Variants in AFAP1 observed in about 807,000 individuals in gnomAD.
AFAP1 encodes the protein actin filament-associated protein 1.
Under a neutral mutation model 93.9 loss-of-function variants are expected in AFAP1, and 75 were observed. The ratio of observed to expected loss-of-function variants is 0.80; its 90% CI spans 0.66 to 0.97. The LOEUF is 0.97. AFAP1 is among the 50% of genes least tolerant of loss of function. The pLI is 0.00. For synonymous variants in AFAP1, 517 were observed against 430.7 expected (o/e 1.20, Z -2.48); for missense variants, 1,201 against 1,050.8 (o/e 1.14, Z -1.98).
At chr4:7,928,450 C>A (rs1165551066) in intron 1 of AFAP1, among the ~76,000 whole-genome samples, 1 of 152,148 alleles carries the variant, frequency 6.6e-6, no homozygotes, top group African/African-American at 2.4e-5. Flanking sequence ...TGCAGTGACG[C>A]CATCTCGGCT....
At chr4:7,882,693 T>C (rs982993047) in intron 1 of AFAP1, among the ~76,000 whole-genome samples, 6 of 152,094 alleles carry the variant, frequency 3.9e-5, no homozygotes, top group East Asian at 3.9e-4. Flanking sequence ...ACCCTGTCTC[T>C]ACTAAAAATA....
chr4:7,935,444 GC>G (rs904667722), intron 1 of AFAP1, among the ~76,000 whole-genome samples: 3 of 152,138 alleles, frequency 2.0e-5, no homozygotes, highest in Non-Finnish European at 4.4e-5. Flanking sequence ...TTTTGAGGTA[GC>G]CTGAAATAAT....
At position 7,868,699 on chromosome 4, in the gene AFAP1, C is replaced by T; in HGVS notation, c.148G>A (p.Ala50Thr). 3 of 1,613,470 alleles carry T rather than the reference C, an allele frequency of 1.9e-6. No individual in the cohort carries two copies. The highest frequency in any genetic ancestry group is 2.5e-6 in the Non-Finnish European group (3 of 1,179,934). The stretch of plus-strand genomic sequence containing the variant: ...CTGTTAGCGGTCTCCTGCTTCTGAG[C>T]ATGGTCCTTCACATCAAAACCTGTA... Reference protein sequence around the residue: ...SSKGFDVKDHAQKQETANSLP... With the variant: ...SSKGFDVKDHTQKQETANSLP... The change falls in exon 3 of 18, where the codon GCT (alanine) becomes ACT (threonine). Residue 50 changes from alanine (A) to threonine (T), a missense_variant. Ala to Thr is a moderately conservative substitution (Grantham distance 58). Coordinates refer to ENST00000420658, the MANE Select transcript of AFAP1 (RefSeq NM_001134647.2).
chr4:7,811,368 A>G (rs1415290435), intron 8 of AFAP1, among the ~76,000 whole-genome samples: 1 of 151,956 alleles, frequency 6.6e-6, no homozygotes, highest in Non-Finnish European at 1.5e-5. Flanking sequence ...CTGCAGAGGA[A>G]GAGCGGCCAG....
chr4:7,786,120 GA>G (rs1314737686), intron 12 of AFAP1, 73 bp downstream of exon 12: 58 of 1,377,180 alleles, frequency 4.2e-5, no homozygotes, highest in Admixed American at 7.0e-5. Context: ...GAAACCAGGG[GA>G]ACTGAAGCAC....
intron 9 of AFAP1, among the ~76,000 whole-genome samples, chr4:7,809,159 AT>A (rs1027341748): frequency 1.3e-5 from 2 of 151,562 alleles, no homozygotes; most frequent in Non-Finnish European, 2.9e-5. Context: ...TGCTGCACCC[AT>A]TAACTCATCA....
At chr4:7,887,371 C>CA (rs1401178923) in intron 1 of AFAP1, among the ~76,000 whole-genome samples, 5 of 152,134 alleles carry the variant, frequency 3.3e-5, no homozygotes, top group Admixed American at 2.6e-4. Context: ...AAGCAGTACG[C>CA]AAATAAATAT....
At chr4:7,866,069 T>C (rs1716364865) in intron 3 of AFAP1, among the ~76,000 whole-genome samples, 1 of 152,070 alleles carries the variant, frequency 6.6e-6, no homozygotes, top group African/African-American at 2.4e-5. Context: ...GCCAATTTTT[T>C]ATTTTTAGTA....
chr4:7,926,068 GA>G, intron 1 of AFAP1, among the ~76,000 whole-genome samples: 1 of 152,272 alleles, frequency 6.6e-6, no homozygotes, highest in Admixed American at 6.5e-5. Context: ...AAAATGTCGA[GA>G]AAAAGGCTGT....
intron 6 of AFAP1, among the ~76,000 whole-genome samples, chr4:7,830,358 G>A (rs933265109): frequency 6.6e-6 from 1 of 152,164 alleles, no homozygotes; most frequent in East Asian, 1.9e-4. Context: ...TAACAGGAGC[G>A]TCCTAGAGAA....
chr4:7,796,683 G>A (rs140929439), intron 10 of AFAP1, among the ~76,000 whole-genome samples: 1,778 of 150,476 alleles, frequency 0.012, 30 homozygotes, highest in African/African-American at 0.041. Context: ...CCCGGGAGAC[G>A]GAGCTTGCAG....
intron 11 of AFAP1, among the ~76,000 whole-genome samples, chr4:7,792,572 T>C (rs1717964422): frequency 6.6e-6 from 1 of 152,172 alleles, no homozygotes; most frequent in Admixed American, 6.5e-5. Flanking sequence ...TGCAAATAAC[T>C]AGTTTGTCTG....
chr4:7,902,798 T>A (rs1007718887), intron 1 of AFAP1, among the ~76,000 whole-genome samples: 1 of 152,192 alleles, frequency 6.6e-6, no homozygotes, highest in Non-Finnish European at 1.5e-5. Flanking sequence ...AGACAGGGAC[T>A]CTACCGCAGT....
chr4:7,799,003 TTTAAG>T (rs1430838002), intron 10 of AFAP1: 17 of 986,144 alleles, frequency 1.7e-5, no homozygotes, highest in Non-Finnish European at 1.9e-5. Context: ...AGTTTCTTTA[TTTAAG>T]TTTTCAGCTT....
At chr4:7,874,232 C>CA (rs1226585836) in intron 1 of AFAP1, among the ~76,000 whole-genome samples, 1 of 152,048 alleles carries the variant, frequency 6.6e-6, no homozygotes, top group Non-Finnish European at 1.5e-5. Context: ...TCACAACTAA[C>CA]AGTTAGGAAA....
chr4:7,871,512 C>A (rs1427385634), intron 2 of AFAP1, among the ~76,000 whole-genome samples: 1 of 152,234 alleles, frequency 6.6e-6, no homozygotes, highest in African/African-American at 2.4e-5. Flanking sequence ...ACAGCGTGTG[C>A]TCTGTGTGAC....
At chr4:7,788,406 G>A (rs1298861276) in intron 11 of AFAP1, among the ~76,000 whole-genome samples, 3 of 152,242 alleles carry the variant, frequency 2.0e-5, no homozygotes, top group Admixed American at 6.5e-5. Flanking sequence ...TGCGGGCCGC[G>A]GAAATGGCTC....
At chr4:7,921,181 C>CTTTTTTTTTTTTTTTTTT (rs34764139) in intron 1 of AFAP1, among the ~76,000 whole-genome samples, 1 of 95,110 alleles carries the variant, frequency 1.1e-5, no homozygotes, top group Admixed American at 1.4e-4. Flanking sequence ...GAGAGCAAAA[C>CTTTTTTTTTTTTTTTTTT]TTTTTTTTTT....
chr4:7,920,726 A>T (rs894676651), intron 1 of AFAP1, among the ~76,000 whole-genome samples: 1 of 152,230 alleles, frequency 6.6e-6, no homozygotes, highest in Non-Finnish European at 1.5e-5. Flanking sequence ...CTTCCTTCGA[A>T]TCTCTATTTT....
Sources: allele counts gnomAD v4.1 joint callset (sites outside exome capture counted in the v4.1 genomes callset), GRCh38; gene constraint gnomAD v4.1.1; transcripts MANE v1.5; gene names NCBI Gene and HGNC (gene_info 2026-07-23, HGNC 2026-07-21).